Variants in SLC4A9 observed in about 807,000 individuals in gnomAD.
The protein encoded by SLC4A9 is solute carrier family 4 member 9.
In SLC4A9, 102 loss-of-function variants were observed where a neutral mutation model predicts 103.2. That is an observed-to-expected ratio of 0.99 (90% CI 0.84 to 1.17). The LOEUF (loss-of-function observed/expected upper bound fraction) is 1.17. Ranked by LOEUF, SLC4A9 falls within the 50% of genes most tolerant of loss-of-function variation. The pLI is 0.00. For missense variants in SLC4A9, 1,091 were observed against 1,193.7 expected (o/e 0.91, Z 1.27); for synonymous variants, 453 against 483.6 (o/e 0.94, Z 0.83).
rs959641863 is a variant in SLC4A9, at chr5:140,368,005, C to G, written c.2354+107C>G. 2.5e-6 allele frequency: 3 copies of G among 1,184,722 alleles called. No individual in the cohort carries two copies. The East Asian group carries it at 7.4e-5, about 29-fold the overall frequency. 73.4% of individuals were successfully genotyped at this position (1,184,722 alleles called of 1,614,324 possible). On this transcript the variant is annotated intron_variant, in intron 16 of 21. Coordinates refer to ENST00000506757, the MANE Select transcript of SLC4A9 (RefSeq NM_031467.3). Reference sequence around the variant, plus strand: ...GCTTAAATTCTAAGCTGGTGTCCCACAAGCATTGCAGTGGCAGAATGAGTG... The same window carrying G: ...GCTTAAATTCTAAGCTGGTGTCCCAGAAGCATTGCAGTGGCAGAATGAGTG...
chr5:140,371,381 T>A, intron 18 of SLC4A9, 70 bp from the exon 19 acceptor site: 1 of 1,578,830 alleles, frequency 6.3e-7, no homozygotes, highest in Non-Finnish European at 8.7e-7. Flanking sequence ...TGGGCTATGA[T>A]AGCTATCAGT....
intron 17 of SLC4A9, 103 bp from the exon 18 acceptor site, chr5:140,370,992 C>G: frequency 2.0e-6 from 2 of 987,526 alleles, no homozygotes; most frequent in South Asian, 2.8e-5. Flanking sequence ...CTGGGCAGAC[C>G]TGGATGCTAG....
In SLC4A9 at chr5:140,364,106, T is replaced by C; in HGVS notation, c.1307T>C (p.Leu436Pro). The C allele has an allele frequency of 6.3e-7, 1 of 1,589,082 alleles. No homozygotes were observed. Among genetic ancestry groups the C allele is most frequent in the Non-Finnish European group, 8.6e-7 (1 of 1,168,264 alleles). Residue 436 changes from leucine (L) to proline (P), a missense_variant, in exon 10 of 22, where the codon CTG becomes CCG. Transcript: ENST00000506757. The stretch of plus-strand genomic sequence containing the variant: ...GCAGTGGCTGGAGCTGCCTTCTGCC[T>C]GATGGCAGGCCAGCCCCTCACCATT... ...GTAVAGAAFC[L>P]MAGQPLTILS...
chr5:140,369,387 A>C (rs1768368980), intron 17 of SLC4A9, among the ~76,000 whole-genome samples: 1 of 152,224 alleles, frequency 6.6e-6, no homozygotes, highest in South Asian at 2.1e-4. Context: ...TGCTATATGC[A>C]AGACTGCTAG....
chr5:140,366,344 C>T (rs1767888570), intron 14 of SLC4A9, 80 bp downstream of exon 14: 3 of 937,424 alleles, frequency 3.2e-6, no homozygotes, highest in Non-Finnish European at 4.8e-6. Context: ...ATGAATAAAT[C>T]CCACACTTCT....
chr5:140,373,339 GTAC>G (rs1769011056), intron 21 of SLC4A9, among the ~76,000 whole-genome samples: 1 of 152,098 alleles, frequency 6.6e-6, no homozygotes, highest in South Asian at 2.1e-4. Context: ...CAGTATCTTG[GTAC>G]TAGAGATACA....
At position 140,372,264 on chromosome 5, in the gene SLC4A9, G is replaced by A. The variant is rs762998447; in HGVS notation, c.2693G>A (p.Arg898Gln). The change falls in exon 20 of 22, where the codon CGA (arginine) becomes CAA (glutamine). Residue 898 changes from arginine to glutamine, a missense_variant. Coordinates refer to ENST00000506757, the MANE Select transcript of SLC4A9 (RefSeq NM_031467.3). ...CAGTTGCTGGGCCTTGTGGGGGTCC[G>A]AAAGGCCCTGGAGAGGGTCTTCTCA... ...PLMLLGLVGV[R>Q]KALERVFSPQ... 1.7e-5 allele frequency: 27 copies of A among 1,570,232 alleles called. No individual in the cohort carries two copies. Among genetic ancestry groups the A allele is most frequent in the Non-Finnish European group, 2.1e-5 (25 of 1,164,596 alleles).
chr5:140,367,521 C>T lies in SLC4A9; in HGVS notation c.2115C>T (p.Leu705=), dbSNP rs550609705. ...TGCCTGCCCTGCTGCTGTCTATCCT[C>T]ATCTTCATGGACCAACAGATCACAG... The part of the protein sequence containing the change: ...AALPALLLSI[L]IFMDQQITAV... The change falls in exon 15 of 22, where the codon CTC becomes CTT. Residue 705 remains leucine, a synonymous_variant. Transcript: ENST00000506757. The T allele has an allele frequency of 1.2e-6, 2 of 1,604,620 alleles. No homozygotes were observed. Among genetic ancestry groups the T allele is most frequent in the African/African-American group, 1.3e-5 (1 of 74,826 alleles).
At chr5:140,360,707 C>T in intron 1 of SLC4A9, 105 bp from the exon 2 acceptor site, 1 of 1,546,206 alleles carries the variant, frequency 6.5e-7, no homozygotes, top group Non-Finnish European at 8.8e-7. Flanking sequence ...CACCACTGGG[C>T]CCAGGATGCC....
At position 140,364,411 on chromosome 5, in the gene SLC4A9, G is replaced by A; in HGVS notation, c.1437G>A (p.Trp479Ter). 6.2e-7 allele frequency: 1 copy of A among 1,613,668 alleles called. No homozygotes were observed. Among genetic ancestry groups the A allele is most frequent in the Non-Finnish European group, 8.5e-7 (1 of 1,179,866 alleles). The stretch of plus-strand genomic sequence containing the variant: ...CCTTCCGCCTATGGGTGGGCATCTG[G>A]GTGGCTACCTTTTGCCTGGTGCTGG... Reference protein sequence around the residue: ...YLPFRLWVGIWVATFCLVLVA... With the variant: ...YLPFRLWVGI Residue 479 changes from tryptophan to a stop codon, truncating the protein, a stop_gained, in exon 11 of 22, where the codon TGG becomes TGA. Coordinates refer to ENST00000506757, the MANE Select transcript of SLC4A9 (RefSeq NM_031467.3). LOFTEE classifies it high-confidence loss of function.
rs1460589543 is a variant in SLC4A9, at chr5:140,364,640, C to T, written c.1651+15C>T. ...AGGCCCAGGAGGTGGGTAAGGGAAA[C>T]AGGGACCTTGGTCAGGTGAAGAAGG... On this transcript the variant is annotated intron_variant, in intron 11 of 21. Coordinates refer to ENST00000506757, the MANE Select transcript of SLC4A9 (RefSeq NM_031467.3). The T allele has an allele frequency of 2.5e-6, 4 of 1,595,490 alleles. No individual in the cohort carries two copies. The highest frequency in any genetic ancestry group is 1.3e-5 in the African/African-American group (1 of 74,610).
Position 140,371,618 on chromosome 5 carries a change from C to T in SLC4A9, c.2664C>T (p.Pro888=), listed in dbSNP as rs763780126. ...IKSTPAAIIF[P]LMLLGLVGVR... is the part of the protein sequence containing the mutation. ...CTACCCCTGCAGCCATCATCTTCCC[C>T]CTCATGGTAAGCTGAGGCAGGGTTG... Residue 888 remains proline (P), a synonymous_variant, in exon 19 of 22, where the codon CCC becomes CCT. Coordinates refer to ENST00000506757, the MANE Select transcript of SLC4A9 (RefSeq NM_031467.3). 1.2e-6 allele frequency: 2 copies of T among 1,614,026 alleles called. No homozygotes were observed. Among genetic ancestry groups the T allele is most frequent in the Non-Finnish European group, 1.7e-6 (2 of 1,179,882 alleles).
At chr5:140,362,782 G>T in intron 6 of SLC4A9, 130 bp from the exon 7 acceptor site, 2 of 1,195,396 alleles carry the variant, frequency 1.7e-6, no homozygotes, top group Non-Finnish European at 1.2e-6. Context: ...ATGAATTAAT[G>T]CATGCATAAA....
In SLC4A9 at chr5:140,362,570, G is replaced by A. The variant is rs10054389; in HGVS notation, c.807+38G>A. The A allele has an allele frequency of 1.2e-3, 1,827 of 1,573,140 alleles. 3 individuals are homozygous for A. The highest frequency in any genetic ancestry group is 1.5e-3 in the Non-Finnish European group (1,685 of 1,142,746). On this transcript the variant is annotated intron_variant, in intron 6 of 21. Transcript: ENST00000506757. The stretch of plus-strand genomic sequence containing the variant: ...GGTGTGTGTGTGTGCGCGCGCACGC[G>A]TGCATGCCTGTGTGTGTGTGCACAC...
In SLC4A9 at chr5:140,371,113, C is replaced by G; in HGVS notation, c.2446C>G (p.Leu816Val). 6.2e-7 allele frequency: 1 copy of G among 1,611,978 alleles called. No homozygotes were observed. The highest frequency in any genetic ancestry group is 8.5e-7 in the Non-Finnish European group (1 of 1,179,032). The change falls in exon 18 of 22, where the codon CTC becomes GTC. Residue 816 changes from leucine to valine, a missense_variant. Transcript: ENST00000506757. ...CTACCAGTTCATTCCAATGCCTGTG[C>G]TCTATGGCATCTTCCTGTATATGGG... The part of the protein sequence containing the change: ...PVLKFIPMPV[L>V]YGIFLYMGVA...
rs1767238822 is a variant in SLC4A9 at position 140,362,538 on chromosome 5, C to T, written c.807+6C>T. 5 of 1,613,766 alleles carry T rather than the reference C, an allele frequency of 3.1e-6. No homozygotes were observed. The South Asian group carries it at 5.5e-5, about 18-fold the overall frequency. ...CTGTCCTCCTCAGTGACCCGGTGAG[C>T]TGAGCAGGTGTGTGTGTGTGCGCGC... On this transcript the variant is annotated splice_donor_region_variant and intron_variant, in intron 6 of 21. Transcript: ENST00000506757.
At position 140,363,487 on chromosome 5, in the gene SLC4A9, G is replaced by C; in HGVS notation, c.1011G>C (p.Leu337=). 6.4e-7 allele frequency: 1 copy of C among 1,551,412 alleles called. No homozygotes were observed. Among genetic ancestry groups the C allele is most frequent in the Non-Finnish European group, 8.7e-7 (1 of 1,147,156 alleles). ...REIRGPAVPR[L]TSAEDRHRHG... is the part of the protein sequence containing the mutation. ...TCAGAGGTCCCGCCGTCCCGCGCCTGACCTCGGCTGAGGACAGGCACCGCC... is the reference window on the plus strand; with the variant it reads ...TCAGAGGTCCCGCCGTCCCGCGCCTCACCTCGGCTGAGGACAGGCACCGCC... The change falls in exon 8 of 22, where the codon CTG becomes CTC. Residue 337 remains leucine, a synonymous_variant. Coordinates refer to ENST00000506757, the MANE Select transcript of SLC4A9 (RefSeq NM_031467.3). This position sits in a 1 kb window ranked among gnomAD's most constrained non-coding sequence, Gnocchi z 4.5.
At chr5:140,365,091 G>A (rs1001674828) in intron 11 of SLC4A9, among the ~76,000 whole-genome samples, 2 of 152,150 alleles carry the variant, frequency 1.3e-5, no homozygotes, top group East Asian at 1.9e-4. Flanking sequence ...GAGAGTGGCC[G>A]GCCAGGTGGA....
intron 21 of SLC4A9, 109 bp downstream of exon 21, chr5:140,372,952 CT>C: frequency 1.7e-6 from 1 of 596,542 alleles, no homozygotes; most frequent in Non-Finnish European, 2.8e-6. Flanking sequence ...ACTCCAGTCC[CT>C]TAGGAATCCT....
Sources: gnomAD v4.1 joint callset for allele counts (sites outside exome capture counted in the v4.1 genomes callset) on GRCh38, gnomAD v4.1.1 for gene constraint, Gnocchi (gnomAD v3.1) non-coding constraint, MANE v1.5 for transcripts, NCBI Gene and HGNC (gene_info 2026-07-23, HGNC 2026-07-21) for gene names.